Variants in MKRN1 observed in about 807,000 individuals in gnomAD.
MKRN1 encodes the protein makorin ring finger protein 1, also known as E3 ubiquitin-protein ligase makorin-1.
A neutral mutation model predicts 55.5 loss-of-function variants in MKRN1; 9 were observed. That is an observed-to-expected ratio of 0.16 (90% confidence interval 0.10 to 0.28). The LOEUF is 0.28. Ranked by LOEUF, MKRN1 falls within the 10% of genes least tolerant of loss-of-function variation. The pLI, the probability that MKRN1 is intolerant of heterozygous loss-of-function variation, is 1.00. For missense variants in MKRN1, 488 were observed against 626.7 expected, an observed-to-expected ratio of 0.78 and a Z score of 2.36; for synonymous variants, 253 against 235.9, an observed-to-expected ratio of 1.07 and a Z score of -0.66.
At chr7:140,478,150 A>G (rs976032552) in intron 1 of MKRN1, 2 of 152,238 alleles carry the variant, frequency 1.3e-5, no homozygotes, top group Non-Finnish European at 2.9e-5. Context: ...TATAAATTAT[A>G]CCACCCAGGT....
intron 1 of MKRN1, chr7:140,478,929 C>G (rs191111318): frequency 0.029 from 11,758 of 400,160 alleles, 1,229 homozygotes; most frequent in African/African-American, 0.22. Context: ...TCGCGCACCG[C>G]CAGGCCTCCG....
chr7:140,478,882 G>C (rs1445394596), intron 1 of MKRN1: 5 of 287,270 alleles, frequency 1.7e-5, no homozygotes, highest in African/African-American at 1.1e-4. Flanking sequence ...GCTCAGGGAA[G>C]TGTAAGCGGC....
chr7:140,463,674 A>T (rs920049732), intron 2 of MKRN1, among the ~76,000 whole-genome samples: 8 of 151,978 alleles, frequency 5.3e-5, no homozygotes, highest in Non-Finnish European at 1.5e-5. Context: ...TCACAAGGTC[A>T]GGAGATGGAG....
chr7:140,459,395 C>T lies in MKRN1; in HGVS notation c.545-162G>A, dbSNP rs572172465. Among the ~76,000 whole-genome samples, 9 of 150,814 alleles carry T rather than the reference C, an allele frequency of 6.0e-5. 1 individual carries two copies. The South Asian group carries it at 1.5e-3, about 24-fold the overall frequency. On this transcript the variant is annotated intron_variant, in intron 3 of 7. Coordinates refer to ENST00000255977, the MANE Select transcript of MKRN1 (RefSeq NM_013446.4). The stretch of plus-strand genomic sequence containing the variant: ...CTTGAAAGAAAGGAATTTTTTCTAC[C>T]GCTGTTATTTCCAAGATTAGACTTG...
chr7:140,463,614 G>C (rs138147788), intron 2 of MKRN1, among the ~76,000 whole-genome samples: 1 of 152,050 alleles, frequency 6.6e-6, no homozygotes, highest in Non-Finnish European at 1.5e-5. Context: ...GGCTGGACGC[G>C]GTGGCTCACG....
chr7:140,471,515 G>C (rs767150753), intron 2 of MKRN1, among the ~76,000 whole-genome samples: 40 of 152,008 alleles, frequency 2.6e-4, no homozygotes, highest in Admixed American at 9.8e-4. Flanking sequence ...TGTTGCCCAG[G>C]CTGGAGCGCA....
intron 1 of MKRN1, chr7:140,473,199 AATG>A (rs1332483384): frequency 1.4e-5 from 6 of 428,938 alleles, no homozygotes; most frequent in Middle Eastern, 3.4e-4. Context: ...CTTGTTTTTA[AATG>A]ATACCACCAA....
Position 140,456,865 on chromosome 7 carries a change from G to T in MKRN1, c.773C>A (p.Ser258Ter). The change falls in exon 5 of 8, where the codon TCG becomes TAG. Residue 258 changes from serine to a stop codon, truncating the protein, a stop_gained and splice_region_variant. Transcript: ENST00000255977. LOFTEE classifies it high-confidence loss of function. ...GTCCTTCTCATGGGCCTCAATGCAC[G>T]ACTAGAGAAGGTGGAGAGAGAACAA... ...DAAQRSQHIK[S>*]CIEAHEKDME... 6.2e-7 allele frequency: 1 copy of T among 1,613,202 alleles called. No individual in the cohort carries two copies. Among genetic ancestry groups the T allele is most frequent in the South Asian group, 1.1e-5 (1 of 90,936 alleles).
chr7:140,456,136 A>G (rs2130244332), intron 5 of MKRN1: 4 of 1,126,962 alleles, frequency 3.5e-6, no homozygotes, highest in Non-Finnish European at 4.5e-6. Flanking sequence ...TTTGAAAAAT[A>G]TAACTTAGGT....
At chr7:140,456,426 G>T (rs941320530) in intron 5 of MKRN1, 1 of 1,375,378 alleles carries the variant, frequency 7.3e-7, no homozygotes, top group Non-Finnish European at 9.4e-7. Context: ...GAAAAAGCAC[G>T]AAGATTCTAA....
At chr7:140,472,117 A>C in intron 1 of MKRN1, 106 bp from the exon 2 acceptor site, 2 of 1,447,350 alleles carry the variant, frequency 1.4e-6, no homozygotes, top group Non-Finnish European at 1.9e-6. Context: ...ACACAAACAT[A>C]CGAAATAAAC....
intron 1 of MKRN1, among the ~76,000 whole-genome samples, chr7:140,476,527 T>C (rs1299847782): frequency 1.4e-5 from 2 of 145,474 alleles, no homozygotes; most frequent in Non-Finnish European, 1.5e-5. Context: ...ACTTTGTCTT[T>C]GGTAATTTAC....
At chr7:140,460,139 C>G (rs1208336189) in intron 2 of MKRN1, 9 of 547,088 alleles carry the variant, frequency 1.6e-5, no homozygotes, top group South Asian at 1.5e-4. Flanking sequence ...CCCAACTACT[C>G]GGGAGGCTGA....
At chr7:140,473,066 T>C (rs1794982321) in intron 1 of MKRN1, among the ~76,000 whole-genome samples, 1 of 151,062 alleles carries the variant, frequency 6.6e-6, no homozygotes, top group African/African-American at 2.4e-5. Flanking sequence ...GCCACTGCGC[T>C]CCAGCCTGGA....
intron 1 of MKRN1, chr7:140,478,943 A>C (rs947640308): frequency 2.2e-5 from 10 of 453,932 alleles, no homozygotes; most frequent in African/African-American, 1.6e-4. Flanking sequence ...GCCTCCGCGG[A>C]CAGCGCTGAG....
At chr7:140,474,001 A>G (rs868439209) in intron 1 of MKRN1, among the ~76,000 whole-genome samples, 19 of 103,352 alleles carry the variant, frequency 1.8e-4, no homozygotes, top group South Asian at 5.8e-4. Flanking sequence ...TCAAAAAAAA[A>G]AAAAAAAGAA....
Position 140,459,831 on chromosome 7 carries a change from T to G in MKRN1, c.420A>C (p.Pro140=), listed in dbSNP as rs759235639. Residue 140 remains proline (P), a synonymous_variant, in exon 3 of 8, where the codon CCA becomes CCC. Transcript: ENST00000255977. ...CTTCGCCTGTATTCATTTCAACAAG[T>G]GGTCCAACTATCGATGAGAGACTTG... ...ASSSLSSIVG[P]LVEMNTGEAE... 1 of 1,614,004 alleles carries G rather than the reference T, an allele frequency of 6.2e-7. No individual in the cohort carries two copies. The highest frequency in any genetic ancestry group is 1.1e-5 in the South Asian group (1 of 91,080).
At chr7:140,459,656 T>G (rs1405757831) in intron 3 of MKRN1, 51 bp downstream of exon 3, 2 of 1,541,588 alleles carry the variant, frequency 1.3e-6, no homozygotes, top group South Asian at 2.2e-5. Flanking sequence ...AGCAAATGGA[T>G]GAACTGCTAT....
At chr7:140,456,987 G>T in intron 4 of MKRN1, 121 bp from the exon 5 acceptor site, 1 of 1,030,376 alleles carries the variant, frequency 9.7e-7, no homozygotes, top group Non-Finnish European at 1.4e-6. Flanking sequence ...ATGTTCCCAA[G>T]CTGACACGAA....
Sources: gnomAD v4.1 joint callset for allele counts (sites outside exome capture counted in the v4.1 genomes callset) on GRCh38, gnomAD v4.1.1 for gene constraint, MANE v1.5 for transcripts, NCBI Gene and HGNC (gene_info 2026-07-23, HGNC 2026-07-21) for gene names.